The following SMAP1 variants were observed in gnomAD, a reference collection of about 807,000 sequenced individuals.
SMAP1 encodes stromal membrane-associated protein 1.
SMAP1 carries 24 observed loss-of-function variants against 58.5 expected under a neutral mutation model. The ratio of observed to expected loss-of-function variants is 0.41; its 90% CI spans 0.30 to 0.58. The LOEUF is 0.58. Ranked by LOEUF, SMAP1 falls within the 20% of genes least tolerant of loss-of-function variation. The probability of loss-of-function intolerance (pLI) is 0.29; values close to 1 mark genes in which losing one functional copy is unlikely to be tolerated. For synonymous variants in SMAP1, 216 were observed against 196.6 expected, an observed-to-expected ratio of 1.10 and a Z score of -0.82; for missense variants, 563 against 566.3, an observed-to-expected ratio of 0.99 and a Z score of 0.06.
intron 6 of SMAP1, among the ~76,000 whole-genome samples, chr6:70,800,617 T>G (rs756405282): frequency 2.0e-5 from 3 of 152,138 alleles, no homozygotes; most frequent in Non-Finnish European, 4.4e-5. Flanking sequence ...GCTGCACCCA[T>G]CAACTTGTCA....
chr6:70,709,270 T>G (rs898525130), intron 1 of SMAP1, among the ~76,000 whole-genome samples: 13 of 152,218 alleles, frequency 8.5e-5, no homozygotes, highest in Non-Finnish European at 1.5e-4. Context: ...GTTTCATTAG[T>G]CTGTGTCTAT....
intron 6 of SMAP1, among the ~76,000 whole-genome samples, chr6:70,813,818 A>G (rs1196696766): frequency 6.6e-6 from 1 of 152,190 alleles, no homozygotes; most frequent in Non-Finnish European, 1.5e-5. Context: ...GGTAGGTTTT[A>G]TGCTATGTTG....
At chr6:70,784,697 A>G (rs1301513662) in intron 4 of SMAP1, among the ~76,000 whole-genome samples, 1 of 152,226 alleles carries the variant, frequency 6.6e-6, no homozygotes, top group African/African-American at 2.4e-5. Flanking sequence ...AGATCAAAAG[A>G]GACAAAGAAG....
chr6:70,764,419 C>A (rs1352972979), intron 3 of SMAP1, among the ~76,000 whole-genome samples: 1 of 152,204 alleles, frequency 6.6e-6, no homozygotes, highest in Non-Finnish European at 1.5e-5. Context: ...TGCCTGGCTT[C>A]AGCGCTTCAA....
At chr6:70,843,615 A>G (rs1338466904) in intron 7 of SMAP1, among the ~76,000 whole-genome samples, 3 of 152,252 alleles carry the variant, frequency 2.0e-5, no homozygotes, top group African/African-American at 7.2e-5. Context: ...GATAGAAAAT[A>G]AAACTCTAAC....
At chr6:70,716,437 A>G (rs1768272359) in intron 1 of SMAP1, among the ~76,000 whole-genome samples, 1 of 152,156 alleles carries the variant, frequency 6.6e-6, no homozygotes. Flanking sequence ...AGCTTTGCTC[A>G]CTTGCCCACC....
rs1771716529 is a variant in SMAP1, at chr6:70,861,319, T to G, written c.*985T>G. On this transcript the variant is annotated 3_prime_UTR_variant, in exon 11 of 11. Transcript: ENST00000370455. ...AAACCTGTTCAAGTCTACCAACCTG[T>G]TCAAGTCTACCAATTATAAGGGCAA... 1 of 220,528 alleles carries G rather than the reference T, an allele frequency of 4.5e-6. No individual in the cohort carries two copies. The highest frequency in any genetic ancestry group is 9.1e-6 in the Non-Finnish European group (1 of 109,578). 13.7% of individuals were successfully genotyped at this position (220,528 alleles called of 1,614,324 possible).
intron 6 of SMAP1, among the ~76,000 whole-genome samples, chr6:70,835,932 T>C (rs1770563150): frequency 6.6e-6 from 1 of 152,214 alleles, no homozygotes; most frequent in Non-Finnish European, 1.5e-5. Context: ...TGTGTAACTA[T>C]GACTTCGGCT....
chr6:70,829,714 T>C (rs1255620606), intron 6 of SMAP1, among the ~76,000 whole-genome samples: 1 of 152,236 alleles, frequency 6.6e-6, no homozygotes, highest in Non-Finnish European at 1.5e-5. Flanking sequence ...AAACTGATTA[T>C]AAATAAACTA....
At chr6:70,797,291 G>T (rs1039902187) in intron 5 of SMAP1, among the ~76,000 whole-genome samples, 7 of 151,948 alleles carry the variant, frequency 4.6e-5, no homozygotes, top group Non-Finnish European at 8.8e-5. Context: ...TGCTTTCTAG[G>T]TTCTTAGTGC....
At chr6:70,735,070 C>G (rs1247412537) in intron 2 of SMAP1, 1 of 152,354 alleles carries the variant, frequency 6.6e-6, no homozygotes, top group Non-Finnish European at 1.5e-5. Flanking sequence ...CAGAGTAATT[C>G]TGTTAGACCT....
At chr6:70,790,035 G>A (rs891993790) in intron 4 of SMAP1, among the ~76,000 whole-genome samples, 7 of 152,154 alleles carry the variant, frequency 4.6e-5, no homozygotes, top group Non-Finnish European at 7.4e-5. Context: ...CATACTCAAT[G>A]CCCGTATTAT....
intron 3 of SMAP1, among the ~76,000 whole-genome samples, chr6:70,770,301 G>A (rs1016798935): frequency 1.3e-5 from 2 of 152,032 alleles, no homozygotes; most frequent in Non-Finnish European, 2.9e-5. Context: ...GGCCTTCCTT[G>A]CTAGATTGGG....
At chr6:70,718,139 G>A (rs970489790) in intron 1 of SMAP1, among the ~76,000 whole-genome samples, 1 of 151,828 alleles carries the variant, frequency 6.6e-6, no homozygotes, top group African/African-American at 2.4e-5. Context: ...TGGCAACCAG[G>A]CATGCACACA....
chr6:70,679,044 G>A (rs1483784308), intron 1 of SMAP1, among the ~76,000 whole-genome samples: 1 of 148,572 alleles, frequency 6.7e-6, no homozygotes, highest in African/African-American at 2.5e-5. Flanking sequence ...GTTTTTTTGA[G>A]ATGGAGTCTT....
intron 1 of SMAP1, among the ~76,000 whole-genome samples, chr6:70,671,454 T>C (rs986930228): frequency 2.0e-5 from 3 of 152,122 alleles, no homozygotes; most frequent in Admixed American, 1.3e-4. Context: ...GCACCTGTAA[T>C]CCCTACGTGG....
intron 3 of SMAP1, among the ~76,000 whole-genome samples, chr6:70,765,664 T>C (rs13194630): frequency 2.0e-5 from 3 of 152,176 alleles, no homozygotes; most frequent in Non-Finnish European, 4.4e-5. Context: ...TTATTTATTG[T>C]GCATTTGTAT....
In SMAP1 at chr6:70,837,039, A is replaced by C; in HGVS notation, c.664+11A>C. ...ATCTTTTAGGACTTGGTAAGTAATA[A>C]AAAATAAAAGTCACTGCTGGAGTTA... On this transcript the variant is annotated intron_variant, in intron 7 of 10. Transcript: ENST00000370455. 1 of 1,555,556 alleles carries C rather than the reference A, an allele frequency of 6.4e-7. No individual in the cohort carries two copies. Among genetic ancestry groups the C allele is most frequent in the Non-Finnish European group, 8.7e-7 (1 of 1,152,764 alleles).
At chr6:70,852,431 C>G in intron 7 of SMAP1, 109 bp from the exon 8 acceptor site, 1 of 1,145,016 alleles carries the variant, frequency 8.7e-7, no homozygotes, top group Non-Finnish European at 1.1e-6. Flanking sequence ...GTTTTACCAA[C>G]TTTTGAACTG....
Sources: gnomAD v4.1 joint callset for allele counts (sites outside exome capture counted in the v4.1 genomes callset) on GRCh38, gnomAD v4.1.1 for gene constraint, MANE v1.5 for transcripts, NCBI Gene and HGNC (gene_info 2026-07-23, HGNC 2026-07-21) for gene names.